Variants in RAB11FIP1 observed in about 807,000 individuals in gnomAD.
The protein encoded by RAB11FIP1 is RAB11 family interacting protein 1.
A neutral mutation model predicts 83.1 loss-of-function variants in RAB11FIP1; 49 were observed. That is an observed-to-expected ratio of 0.59 (90% confidence interval 0.47 to 0.75). RAB11FIP1 has a LOEUF of 0.75. RAB11FIP1 is among the 30% of genes least tolerant of loss of function. RAB11FIP1 has a pLI of 0.00. For synonymous variants in RAB11FIP1, 670 were observed against 656.0 expected, an observed-to-expected ratio of 1.02 and a Z score of -0.33; for missense variants, 1,536 against 1,598.7, an observed-to-expected ratio of 0.96 and a Z score of 0.67.
chr8:37,864,931 C>CT (rs10544799), intron 5 of RAB11FIP1, among the ~76,000 whole-genome samples: 38 of 145,620 alleles, frequency 2.6e-4, no homozygotes, highest in South Asian at 1.1e-3. Context: ...TACTTAATGC[C>CT]TTTTTTTTTT....
chr8:37,876,194 CAAAAG>C (rs1157970361), intron 2 of RAB11FIP1, among the ~76,000 whole-genome samples: 3 of 129,188 alleles, frequency 2.3e-5, no homozygotes, highest in Admixed American at 8.4e-5. Flanking sequence ...GACTCCATCT[CAAAAG>C]AAAAGAAAAG....
rs113040583 is a variant in RAB11FIP1 at position 37,873,155 on chromosome 8, T to C, written c.1647A>G (p.Gln549=). The change falls in exon 4 of 6, where the codon CAA becomes CAG. Residue 549 remains glutamine (Q), a synonymous_variant. Coordinates refer to ENST00000330843, the MANE Select transcript of RAB11FIP1 (RefSeq NM_001002814.3). The part of the protein sequence containing the change: ...KPRLEVSPEA[Q]PTARLPSPTD... ...TAGGGGAAGGAAGCCTGGCTGTGGG[T>C]TGCGCCTCTGGAGACACTTCCAGTC... 2 of 1,604,998 alleles carry C rather than the reference T, an allele frequency of 1.2e-6. No homozygotes were observed. Among genetic ancestry groups the C allele is most frequent in the Non-Finnish European group, 1.7e-6 (2 of 1,177,910 alleles).
chr8:37,867,668 T>C (rs1390690271), intron 5 of RAB11FIP1, among the ~76,000 whole-genome samples: 1 of 148,126 alleles, frequency 6.8e-6, no homozygotes, highest in East Asian at 2.0e-4. Context: ...TACCGTACCA[T>C]TGCACTCCAG....
chr8:37,861,800 G>A lies in RAB11FIP1; in HGVS notation c.*1095C>T. The A allele has an allele frequency of 3.0e-6, 1 of 333,136 alleles. No homozygotes were observed. Among genetic ancestry groups the A allele is most frequent in the Non-Finnish European group, 5.8e-6 (1 of 171,898 alleles). 20.6% of individuals were successfully genotyped at this position (333,136 alleles called of 1,614,324 possible). On this transcript the variant is annotated 3_prime_UTR_variant, in exon 6 of 6. Transcript: ENST00000330843. ...GATGGGGTTTCGCCATGTTGGTCAG[G>A]CTGGTCTCGAACTCCTGACCTCAAG...
At chr8:37,866,509 G>T (rs1343498876) in intron 5 of RAB11FIP1, among the ~76,000 whole-genome samples, 1 of 151,936 alleles carries the variant, frequency 6.6e-6, no homozygotes, top group Non-Finnish European at 1.5e-5. Context: ...TTGTGATAAT[G>T]ACATACACTC....
chr8:37,881,781 T>C (rs1806737371), intron 1 of RAB11FIP1, among the ~76,000 whole-genome samples: 1 of 152,138 alleles, frequency 6.6e-6, no homozygotes, highest in Non-Finnish European at 1.5e-5. Flanking sequence ...ACTGCAGCCC[T>C]GGACTCCTGG....
chr8:37,878,218 T>A (rs2130163888), intron 1 of RAB11FIP1: 1 of 151,900 alleles, frequency 6.6e-6, no homozygotes, highest in East Asian at 1.9e-4. Flanking sequence ...CGATGAGTGA[T>A]GTTTTCCTTC....
chr8:37,868,043 C>T (rs1305706915), intron 5 of RAB11FIP1, among the ~76,000 whole-genome samples: 1 of 152,064 alleles, frequency 6.6e-6, no homozygotes, highest in Non-Finnish European at 1.5e-5. Flanking sequence ...CCCAGGAGTT[C>T]GAGGCTGCGA....
chr8:37,874,607 G>C lies in RAB11FIP1; in HGVS notation c.1530C>G (p.Ile510Met). The part of the protein sequence containing the change: ...SSLNLFEDVQ[I>M]TEPEAEPESK... ...ACTCTGGCTCAGCTTCTGGTTCTGT[G>C]ATCTGCACATCTTCAAAGAGGTTCA... Residue 510 changes from isoleucine (I) to methionine (M), a missense_variant, in exon 3 of 6, where the codon ATC becomes ATG. By Grantham distance (10) the Ile-to-Met change is conservative. Coordinates refer to ENST00000330843, the MANE Select transcript of RAB11FIP1 (RefSeq NM_001002814.3). 6.2e-7 allele frequency: 1 copy of C among 1,614,204 alleles called. No individual in the cohort carries two copies. The highest frequency in any genetic ancestry group is 2.2e-5 in the East Asian group (1 of 44,884).
chr8:37,863,507 C>G (rs1806283805), intron 5 of RAB11FIP1, among the ~76,000 whole-genome samples: 6 of 152,150 alleles, frequency 3.9e-5, no homozygotes. Context: ...CTCAGCCTCC[C>G]AAAGTGCTGG....
At chr8:37,885,019 G>C (rs1391142450) in intron 1 of RAB11FIP1, among the ~76,000 whole-genome samples, 1 of 147,196 alleles carries the variant, frequency 6.8e-6, no homozygotes, top group African/African-American at 2.5e-5. Context: ...TTTTGAGATG[G>C]AGTCTCACCG....
At chr8:37,897,424 G>T (rs892110503) in intron 1 of RAB11FIP1, among the ~76,000 whole-genome samples, 6 of 149,648 alleles carry the variant, frequency 4.0e-5, no homozygotes, top group Admixed American at 1.3e-4. Context: ...TAACTGACTG[G>T]CCTGTGTATT....
Position 37,869,086 on chromosome 8 carries a change from G to A in RAB11FIP1, c.3633+1334C>T, listed in dbSNP as rs532574918. On this transcript the variant is annotated intron_variant, in intron 5 of 5. Coordinates refer to ENST00000330843, the MANE Select transcript of RAB11FIP1 (RefSeq NM_001002814.3). ...CTACAAAAAATACATAAATTAGCTG[G>A]GCATGGTGGTGCTCGCCTGTAGTCC... Among the ~76,000 whole-genome samples the A allele has an allele frequency of 4.0e-5, 6 of 151,886 alleles. No individual in the cohort carries two copies. In the East Asian group the frequency reaches 1.2e-3, roughly 29 times the overall value.
chr8:37,894,176 T>C (rs73598943), intron 1 of RAB11FIP1, among the ~76,000 whole-genome samples: 2,663 of 152,292 alleles, frequency 0.017, 76 homozygotes, highest in African/African-American at 0.06. Flanking sequence ...TAACATTACT[T>C]GAATTTTCCA....
Position 37,875,000 on chromosome 8 carries a change from C to T in RAB11FIP1, c.1137G>A (p.Arg379=). Residue 379 remains arginine (R), a synonymous_variant, in exon 3 of 6, where the codon AGG becomes AGA. Transcript: ENST00000330843. ...CCTTGGTGGAAGATTCGGAGAGCTG[C>T]CTGTCAGAAGACAGCCCACCTCCTT... ...PAEGGGLSSD[R]QLSESSTKDS... 2 of 1,614,122 alleles carry T rather than the reference C, an allele frequency of 1.2e-6. No homozygotes were observed. The highest frequency in any genetic ancestry group is 1.7e-6 in the Non-Finnish European group (2 of 1,180,032).
At chr8:37,894,834 C>T (rs1450024214) in intron 1 of RAB11FIP1, among the ~76,000 whole-genome samples, 1 of 150,542 alleles carries the variant, frequency 6.6e-6, no homozygotes, top group Non-Finnish European at 1.5e-5. Flanking sequence ...ACTGCAACCT[C>T]CACCTCCTGG....
At chr8:37,868,132 C>T (rs1156959512) in intron 5 of RAB11FIP1, among the ~76,000 whole-genome samples, 1 of 152,042 alleles carries the variant, frequency 6.6e-6, no homozygotes, top group East Asian at 1.9e-4. Context: ...CATTAAAAAA[C>T]AAAACAAGGC....
chr8:37,896,277 T>A (rs1310428376), intron 1 of RAB11FIP1, among the ~76,000 whole-genome samples: 2 of 151,104 alleles, frequency 1.3e-5, no homozygotes, highest in Admixed American at 1.3e-4. Flanking sequence ...GCCATTGCAC[T>A]CCAGCCTGGG....
At chr8:37,898,456 C>T (rs1469392675) in intron 1 of RAB11FIP1, among the ~76,000 whole-genome samples, 1 of 151,974 alleles carries the variant, frequency 6.6e-6, no homozygotes, top group Non-Finnish European at 1.5e-5. Context: ...AGTTCAAGAC[C>T]ATCCTGGCCA....
Sources: allele counts gnomAD v4.1 joint callset (sites outside exome capture counted in the v4.1 genomes callset), GRCh38; gene constraint gnomAD v4.1.1; transcripts MANE v1.5; gene names NCBI Gene and HGNC (gene_info 2026-07-23, HGNC 2026-07-21).